GHR: variants seen among roughly 807,000 people sequenced by gnomAD.
The protein encoded by GHR is growth hormone receptor.
Under a neutral mutation model 67.1 loss-of-function variants are expected in GHR, and 35 were observed. That is an observed-to-expected ratio of 0.52 (90% CI 0.40 to 0.69). The LOEUF (loss-of-function observed/expected upper bound fraction) is 0.69. GHR is among the 30% of genes least tolerant of loss of function. The pLI, the probability that GHR is intolerant of heterozygous loss-of-function variation, is 0.00. For synonymous variants in GHR, 272 were observed against 269.1 expected (o/e 1.01, Z -0.10); for missense variants, 792 against 764.6 (o/e 1.04, Z -0.42).
intron 4 of GHR, 98 bp downstream of exon 4, chr5:42,689,117 G>A: frequency 1.9e-6 from 2 of 1,056,522 alleles, no homozygotes; most frequent in Admixed American, 1.7e-5. Context: ...GATTTGTTGT[G>A]ATTTATGCAA....
rs144245552 is a variant in GHR, at chr5:42,587,244, T to C, written c.70+21300T>C. 3.3e-5 allele frequency among the ~76,000 whole-genome samples: 5 copies of C among 152,298 alleles called. No homozygotes were observed. The East Asian group carries it at 9.6e-4, about 29-fold the overall frequency. The stretch of plus-strand genomic sequence containing the variant: ...AGGCATTATGCTTTTCTGAGGACAG[T>C]ATAAGGCTAGGATACTGCAGAAACT... On this transcript the variant is annotated intron_variant, in intron 2 of 9. Transcript: ENST00000230882.
At position 42,424,690 on chromosome 5, in the gene GHR, C is replaced by A. The variant is rs1446842753; in HGVS notation, c.-12+735C>A. On this transcript the variant is annotated intron_variant, in intron 1 of 9. Transcript: ENST00000230882. The surrounding 1 kb of genome is among the most constrained non-coding windows in gnomAD (Gnocchi z 4.1). ...CAGGCTTAAAGTTTTGACAGAACTGCCAGAGGCTGCGGGTCAATGGGGTGG... is the reference window on the plus strand; with the variant it reads ...CAGGCTTAAAGTTTTGACAGAACTGACAGAGGCTGCGGGTCAATGGGGTGG... The A allele has an allele frequency of 8.0e-7, 1 of 1,242,960 alleles. No homozygotes were observed. Among genetic ancestry groups the A allele is most frequent in the African/African-American group, 1.5e-5 (1 of 67,492 alleles). The allele number at this position is 1,242,960 out of a possible 1,614,324, so 77.0% of individuals were successfully genotyped here.
intron 1 of GHR, among the ~76,000 whole-genome samples, chr5:42,498,729 C>A (rs1454736497): frequency 6.6e-6 from 1 of 152,164 alleles, no homozygotes; most frequent in African/African-American, 2.4e-5. Context: ...GCTTATATCT[C>A]ATTAATGTGC....
intron 1 of GHR, among the ~76,000 whole-genome samples, chr5:42,516,971 T>G (rs1399176459): frequency 2.0e-5 from 3 of 148,972 alleles, no homozygotes; most frequent in African/African-American, 7.5e-5. Context: ...CAGTGTAGAT[T>G]TTTAGGGGGA....
chr5:42,619,247 G>A (rs1304090715), intron 2 of GHR, among the ~76,000 whole-genome samples: 1 of 152,004 alleles, frequency 6.6e-6, no homozygotes, highest in African/African-American at 2.4e-5. Context: ...GCAAGACCCT[G>A]CAACATCTGG....
intron 5 of GHR, among the ~76,000 whole-genome samples, chr5:42,695,518 T>A (rs887673280): frequency 1.3e-5 from 2 of 152,180 alleles, no homozygotes; most frequent in African/African-American, 4.8e-5. Context: ...AAGCCTAGAT[T>A]TTCTTTATCA....
chr5:42,546,424 G>A (rs941469221), intron 1 of GHR, among the ~76,000 whole-genome samples: 1 of 152,176 alleles, frequency 6.6e-6, no homozygotes, highest in African/African-American at 2.4e-5. Flanking sequence ...GCAGGGTGAG[G>A]AGGGGAAGTG....
intron 1 of GHR, chr5:42,468,916 G>A: frequency 3.6e-6 from 2 of 562,636 alleles, no homozygotes; most frequent in East Asian, 3.3e-5. Flanking sequence ...GGGCTGCGCC[G>A]AGCCAAGAGC....
chr5:42,476,878 T>A (rs540248511), intron 1 of GHR, among the ~76,000 whole-genome samples: 139 of 152,288 alleles, frequency 9.1e-4, no homozygotes, highest in East Asian at 7.9e-3. Flanking sequence ...TTTCTTTTTT[T>A]AAAAAATTTT....
At position 42,721,785 on chromosome 5, in the gene GHR, G is replaced by A. The variant is rs1243578002; in HGVS notation, c.*2361G>A. The A allele has an allele frequency of 6.6e-6, 1 of 152,412 alleles. No individual in the cohort carries two copies. The highest frequency in any genetic ancestry group is 2.4e-5 in the African/African-American group (1 of 41,394). The allele number at this position is 152,412 out of a possible 1,614,324, so 9.4% of individuals were successfully genotyped here. A position where few individuals can be genotyped will look rare whatever the true frequency, so the allele number is the denominator to read the frequency against. On this transcript the variant is annotated 3_prime_UTR_variant, in exon 10 of 10. Coordinates refer to ENST00000230882, the MANE Select transcript of GHR (RefSeq NM_000163.5). ...ATATTTAACTCTCTTTATGTCTGTG[G>A]ATTTTTTCCTTCAAAGTTTAATAAA...
At chr5:42,554,112 A>G (rs1482788246) in intron 1 of GHR, among the ~76,000 whole-genome samples, 1 of 152,204 alleles carries the variant, frequency 6.6e-6, no homozygotes, top group African/African-American at 2.4e-5. Context: ...TATACAAGAA[A>G]AATCTTCAAG....
At chr5:42,645,992 C>T (rs1337411441) in intron 3 of GHR, among the ~76,000 whole-genome samples, 2 of 152,156 alleles carry the variant, frequency 1.3e-5, no homozygotes, top group East Asian at 3.8e-4. Flanking sequence ...CAAAAATGCA[C>T]TCTTAAAAAT....
chr5:42,434,304 G>T (rs1743227417), intron 1 of GHR, among the ~76,000 whole-genome samples: 2 of 152,154 alleles, frequency 1.3e-5, no homozygotes, highest in African/African-American at 4.8e-5. Flanking sequence ...CTGCTAGGTA[G>T]TGCATAGGGA....
At chr5:42,664,016 A>C (rs924882390) in intron 3 of GHR, among the ~76,000 whole-genome samples, 45 of 152,164 alleles carry the variant, frequency 3.0e-4, no homozygotes, top group African/African-American at 9.9e-4. Context: ...GAATAAAATA[A>C]CTAGGAATCC....
chr5:42,478,048 A>G, intron 1 of GHR, among the ~76,000 whole-genome samples: 1 of 151,998 alleles, frequency 6.6e-6, no homozygotes, highest in South Asian at 2.1e-4. Flanking sequence ...TCCATCTTGA[A>G]TTAATTTTTG....
chr5:42,667,331 G>A (rs1445161488), intron 3 of GHR, among the ~76,000 whole-genome samples: 2 of 151,992 alleles, frequency 1.3e-5, no homozygotes, highest in African/African-American at 4.8e-5. Flanking sequence ...ATGCCCCTGG[G>A]GATTCAATGT....
chr5:42,464,011 A>AAAAAAG (rs1249062204), intron 1 of GHR, among the ~76,000 whole-genome samples: 6 of 132,592 alleles, frequency 4.5e-5, no homozygotes, highest in African/African-American at 1.8e-4. Flanking sequence ...AAAAAAAAAA[A>AAAAAAG]AAAAAGAAAA....
chr5:42,481,858 C>T lies in GHR; in HGVS notation c.-12+57903C>T, dbSNP rs28871574. Among the ~76,000 whole-genome samples the T allele has an allele frequency of 7.8e-3, 1,182 of 152,204 alleles. 14 individuals are homozygous for T. The highest frequency in any genetic ancestry group is 0.027 in the African/African-American group (1,125 of 41,544). On this transcript the variant is annotated intron_variant, in intron 1 of 9. Coordinates refer to ENST00000230882, the MANE Select transcript of GHR (RefSeq NM_000163.5). ...CTCCTGTAGCTCGGATTAGTTTGATCGTCTGAAGCCTTCTTCTCTCAAGTC... is the reference window on the plus strand; with the variant it reads ...CTCCTGTAGCTCGGATTAGTTTGATTGTCTGAAGCCTTCTTCTCTCAAGTC...
At chr5:42,559,490 G>A (rs1447150670) in intron 1 of GHR, among the ~76,000 whole-genome samples, 2 of 152,228 alleles carry the variant, frequency 1.3e-5, no homozygotes, top group African/African-American at 4.8e-5. Flanking sequence ...AGACTGCAGT[G>A]AGCTATGATT....
Sources: gnomAD v4.1 joint callset for allele counts (sites outside exome capture counted in the v4.1 genomes callset) on GRCh38, gnomAD v4.1.1 for gene constraint, Gnocchi (gnomAD v3.1) non-coding constraint, MANE v1.5 for transcripts, NCBI Gene and HGNC (gene_info 2026-07-23, HGNC 2026-07-21) for gene names.